The following TTC5 variants were observed in gnomAD, a reference collection of about 807,000 sequenced individuals.
TTC5 encodes tetratricopeptide repeat protein 5.
In TTC5, 46 loss-of-function variants were observed where a neutral mutation model predicts 57.4. The ratio of observed to expected loss-of-function variants is 0.80; its 90% CI spans 0.63 to 1.03. The LOEUF (loss-of-function observed/expected upper bound fraction) is 1.03, where lower values mean the gene tolerates loss of function less well. TTC5 is among the 50% of genes least tolerant of loss of function. TTC5 has a pLI of 0.00. For synonymous variants in TTC5, 190 were observed against 203.5 expected (o/e 0.93, Z 0.57); for missense variants, 504 against 528.1 (o/e 0.95, Z 0.45).
At position 20,298,897 on chromosome 14, in the gene TTC5, G is replaced by C; in HGVS notation, c.548-9C>G. On this transcript the variant is annotated splice_polypyrimidine_tract_variant and intron_variant, in intron 4 of 9. Coordinates refer to ENST00000258821, the MANE Select transcript of TTC5 (RefSeq NM_138376.3). Reference sequence around the variant, plus strand: ...TGAATTCCCAAGAATATCTGAAAGAGAAACACAGTGACAAATCATCTCAGA... The same window carrying C: ...TGAATTCCCAAGAATATCTGAAAGACAAACACAGTGACAAATCATCTCAGA... 1 of 1,578,528 alleles carries C rather than the reference G, an allele frequency of 6.3e-7. No individual in the cohort carries two copies. Among genetic ancestry groups the C allele is most frequent in the Non-Finnish European group, 8.7e-7 (1 of 1,147,786 alleles).
rs1219207285 is a variant in TTC5 at position 20,298,850 on chromosome 14, T to C, written c.586A>G (p.Thr196Ala). 1 of 1,613,836 alleles carries C rather than the reference T, an allele frequency of 6.2e-7. No individual in the cohort carries two copies. Among genetic ancestry groups the C allele is most frequent in the Non-Finnish European group, 8.5e-7 (1 of 1,179,828 alleles). The stretch of plus-strand genomic sequence containing the variant: ...TGGGAGATCTTAGGGTTCTGGCCAG[T>C]AGAGAAGTAAAGGGAAAGATATGAA... ...GNSYLSLYFS[T>A]GQNPKISQQA... Residue 196 changes from threonine to alanine, a missense_variant, in exon 5 of 10, where the codon ACT becomes GCT. By Grantham distance (58) the Thr-to-Ala change is moderately conservative. Transcript: ENST00000258821.
Position 20,289,578 on chromosome 14 carries a change from G to T in TTC5, c.*49C>A. On this transcript the variant is annotated 3_prime_UTR_variant, in exon 10 of 10. Transcript: ENST00000258821. ...TGGATGTGGCTGGACCGGCTGTCCAGAGCCTTGTCTCCTCTCCTCCACTCC... is the reference window on the plus strand; with the variant it reads ...TGGATGTGGCTGGACCGGCTGTCCATAGCCTTGTCTCCTCTCCTCCACTCC... 1.3e-6 allele frequency: 2 copies of T among 1,576,910 alleles called. No homozygotes were observed. The highest frequency in any genetic ancestry group is 8.6e-7 in the Non-Finnish European group (1 of 1,160,926).
chr14:20,305,821 TA>T, intron 1 of TTC5, 65 bp downstream of exon 1: 2 of 1,491,324 alleles, frequency 1.3e-6, no homozygotes, highest in South Asian at 2.3e-5. Flanking sequence ...GGGCAGTACA[TA>T]AACTGGACTC....
chr14:20,299,283 T>A lies in TTC5; in HGVS notation c.547+15A>T. On this transcript the variant is annotated intron_variant, in intron 4 of 9. Transcript: ENST00000258821. The stretch of plus-strand genomic sequence containing the variant: ...TGCTCTAGAAACCTGTTGGAGATCT[T>A]TTGAGAGCACTCACACCAGGAGCGG... 6.2e-7 allele frequency: 1 copy of A among 1,610,826 alleles called. No individual in the cohort carries two copies. The highest frequency in any genetic ancestry group is 8.5e-7 in the Non-Finnish European group (1 of 1,177,810).
chr14:20,300,685 C>T lies in TTC5; in HGVS notation c.318G>A (p.Trp106Ter), dbSNP rs1882171538. The change falls in exon 3 of 10, where the codon TGG becomes TGA. Residue 106 changes from tryptophan (W) to a stop codon, truncating the protein, a stop_gained. Coordinates refer to ENST00000258821, the MANE Select transcript of TTC5 (RefSeq NM_138376.3). LOFTEE classifies it high-confidence loss of function. Reference sequence around the variant, plus strand: ...TCCAGTACACCTCACCCAGCTGGTTCCAGGCTTCCACCAGCTCGGGCTCCA... The same window carrying T: ...TCCAGTACACCTCACCCAGCTGGTTTCAGGCTTCCACCAGCTCGGGCTCCA... ...VKLEPELVEA[W>*]NQLGEVYWKK... 1 of 1,614,180 alleles carries T rather than the reference C, an allele frequency of 6.2e-7. No individual in the cohort carries two copies. The highest frequency in any genetic ancestry group is 8.5e-7 in the Non-Finnish European group (1 of 1,180,018).
chr14:20,300,574 C>T, intron 3 of TTC5, 33 bp downstream of exon 3: 4 of 1,570,472 alleles, frequency 2.5e-6, no homozygotes, highest in Non-Finnish European at 2.6e-6. Context: ...TCCTTCCCAT[C>T]TCTGCTTTCC....
Position 20,300,762 on chromosome 14 carries a change from T to C in TTC5, c.241A>G (p.Thr81Ala), listed in dbSNP as rs758479429. 6.2e-7 allele frequency: 1 copy of C among 1,613,908 alleles called. No individual in the cohort carries two copies. Among genetic ancestry groups the C allele is most frequent in the South Asian group, 1.1e-5 (1 of 91,070 alleles). ...TCAGCCTTAGGGCTATAGTCAGGAG[T>C]CACATTTAGTGCTTTCCCAGTTAGC... ...LMLTGKALNV[T>A]PDYSPKAEEL... Residue 81 changes from threonine (T) to alanine (A), a missense_variant, in exon 3 of 10, where the codon ACT (threonine) becomes GCT (alanine). Physicochemically the swap from Thr to Ala is moderately conservative, Grantham distance 58. Transcript: ENST00000258821.
intron 4 of TTC5, 56 bp downstream of exon 4, chr14:20,299,242 T>G (rs2138814612): frequency 1.9e-6 from 3 of 1,581,854 alleles, no homozygotes; most frequent in East Asian, 2.3e-5. Context: ...CAAATGTTGC[T>G]CTGATTGAAA....
At chr14:20,299,074 A>C (rs1882126995) in intron 4 of TTC5, among the ~76,000 whole-genome samples, 186 bp from the exon 5 acceptor site, 1 of 152,258 alleles carries the variant, frequency 6.6e-6, no homozygotes, top group South Asian at 2.1e-4. Flanking sequence ...AAGTTTGAAC[A>C]GACTGTACAA....
intron 4 of TTC5, 95 bp from the exon 5 acceptor site, chr14:20,298,983 C>A (rs190681705): frequency 4.5e-4 from 446 of 995,720 alleles, no homozygotes; most frequent in Admixed American, 1.6e-3. Flanking sequence ...AAAGGTCCCA[C>A]AAGAAATCCA....
chr14:20,287,841 T>G lies in TTC5; in HGVS notation c.*1786A>C, dbSNP rs1170835865. The G allele has an allele frequency of 6.6e-6, 1 of 152,238 alleles. No individual in the cohort carries two copies. The highest frequency in any genetic ancestry group is 2.4e-5 in the African/African-American group (1 of 41,460). 9.4% of individuals were successfully genotyped at this position (152,238 alleles called of 1,614,324 possible). On this transcript the variant is annotated 3_prime_UTR_variant, in exon 10 of 10. Transcript: ENST00000258821. The stretch of plus-strand genomic sequence containing the variant: ...GCTTTCAGCCAATTCTCAAGTTATT[T>G]TTATACCCCACAAGCTCCTAATCAC...
intron 7 of TTC5, 47 bp from the exon 8 acceptor site, chr14:20,295,573 CCTTGAGAT>C (rs761743825): frequency 6.3e-7 from 1 of 1,581,982 alleles, no homozygotes; most frequent in Non-Finnish European, 8.6e-7. Flanking sequence ...TAGTCGCCTT[CCTTGAGAT>C]TCTAATCCTT....
In TTC5 at chr14:20,291,983, CT is replaced by C. The variant is rs1325429207; in HGVS notation, c.1202del (p.Lys401ArgfsTer16). On this transcript the variant is annotated frameshift_variant and splice_region_variant, in exon 9 of 10. Transcript: ENST00000258821. LOFTEE classifies it high-confidence loss of function. ...LRLHRIQHKG[K>X]DYSFSSVRVE... is the part of the protein sequence containing the mutation. ...TAAGAGAATCCTAGCCATTGCTCACCTTTCCTTTGTGCTGAATTCGGTGAAG... is the reference window on the plus strand; with the variant it reads ...TAAGAGAATCCTAGCCATTGCTCACCTTCCTTTGTGCTGAATTCGGTGAAG... The C allele has an allele frequency of 1.3e-6, 2 of 1,577,204 alleles. No homozygotes were observed. Among genetic ancestry groups the C allele is most frequent in the Non-Finnish European group, 1.7e-6 (2 of 1,163,456 alleles).
chr14:20,290,491 A>G (rs1881931469), intron 9 of TTC5, among the ~76,000 whole-genome samples: 1 of 152,250 alleles, frequency 6.6e-6, no homozygotes, highest in Non-Finnish European at 1.5e-5. Context: ...TATTCATGCT[A>G]TATTTTCCAT....
chr14:20,289,495 C>A lies in TTC5; in HGVS notation c.*132G>T. ...GAGAGAAGAGATACGAAGTGTAATA[C>A]AGGCAGGGAAAGAGAAAGTCTTCAT... On this transcript the variant is annotated 3_prime_UTR_variant, in exon 10 of 10. Coordinates refer to ENST00000258821, the MANE Select transcript of TTC5 (RefSeq NM_138376.3). The A allele has an allele frequency of 1.8e-6, 2 of 1,127,840 alleles. No homozygotes were observed. The highest frequency in any genetic ancestry group is 2.5e-6 in the Non-Finnish European group (2 of 814,578). The allele number at this position is 1,127,840 out of a possible 1,614,324, so 69.9% of individuals were successfully genotyped here. A position where few individuals can be genotyped will look rare whatever the true frequency, so the allele number is the denominator to read the frequency against.
chr14:20,289,599 A>G lies in TTC5; in HGVS notation c.*28T>C. 6.2e-7 allele frequency: 1 copy of G among 1,600,010 alleles called. No homozygotes were observed. Among genetic ancestry groups the G allele is most frequent in the South Asian group, 1.1e-5 (1 of 89,130 alleles). On this transcript the variant is annotated 3_prime_UTR_variant, in exon 10 of 10. Coordinates refer to ENST00000258821, the MANE Select transcript of TTC5 (RefSeq NM_138376.3). ...TCCAGAGCCTTGTCTCCTCTCCTCC[A>G]CTCCCTGTTGAGCATGCAAGTCAAA...
At chr14:20,300,165 T>A (rs1352284437) in intron 3 of TTC5, among the ~76,000 whole-genome samples, 355 of 14,072 alleles carry the variant, frequency 0.025, 2 homozygotes, top group East Asian at 0.037. Context: ...ATTTTTTTTT[T>A]TTTTTTTTTT....
At chr14:20,300,479 C>CTCCCTCCT (rs3082301) in intron 3 of TTC5, 128 bp downstream of exon 3, 93,469 of 786,442 alleles carry the variant, frequency 0.12, 6,119 homozygotes, top group East Asian at 0.15. Context: ...CTGACCTTTC[C>CTCCCTCCT]TCCCTCCTGA....
At position 20,289,572 on chromosome 14, in the gene TTC5, T is replaced by A. The variant is rs917146944; in HGVS notation, c.*55A>T. 17 of 1,554,522 alleles carry A rather than the reference T, an allele frequency of 1.1e-5. No homozygotes were observed. The Admixed American group carries it at 3.3e-4, about 30-fold the overall frequency. On this transcript the variant is annotated 3_prime_UTR_variant, in exon 10 of 10. Transcript: ENST00000258821. ...AATCACTGGATGTGGCTGGACCGGC[T>A]GTCCAGAGCCTTGTCTCCTCTCCTC...
Sources: gnomAD v4.1 joint callset for allele counts (sites outside exome capture counted in the v4.1 genomes callset) on GRCh38, gnomAD v4.1.1 for gene constraint, MANE v1.5 for transcripts, NCBI Gene and HGNC (gene_info 2026-07-23, HGNC 2026-07-21) for gene names.